ABLIM1: variants seen among roughly 807,000 people sequenced by gnomAD.
ABLIM1 encodes actin-binding LIM protein 1.
In ABLIM1, 40 loss-of-function variants were observed where a neutral mutation model predicts 107.0. The ratio of observed to expected loss-of-function variants is 0.37; its 90% CI spans 0.29 to 0.49. The LOEUF is 0.49. Ranked by LOEUF, ABLIM1 falls within the 20% of genes least tolerant of loss-of-function variation. The pLI, the probability that ABLIM1 is intolerant of heterozygous loss-of-function variation, is 0.97. For missense variants in ABLIM1, 857 were observed against 1,008.5 expected (o/e 0.85, Z 2.04); for synonymous variants, 357 against 357.3 (o/e 1.00, Z 0.01).
chr10:114,547,133 T>A (rs987933859), intron 5 of ABLIM1, among the ~76,000 whole-genome samples: 1 of 138,190 alleles, frequency 7.2e-6, no homozygotes, highest in Admixed American at 7.5e-5. Context: ...CGGTGGAAAA[T>A]TTCCCCTCAT....
At chr10:114,600,950 G>C (rs2075923187) in intron 2 of ABLIM1, among the ~76,000 whole-genome samples, 1 of 152,086 alleles carries the variant, frequency 6.6e-6, no homozygotes, top group African/African-American at 2.4e-5. Flanking sequence ...AGGTAGGCTT[G>C]TTAATGGAAA....
At chr10:114,726,488 G>A (rs1005137718) in intron 1 of ABLIM1, among the ~76,000 whole-genome samples, 4 of 152,002 alleles carry the variant, frequency 2.6e-5, no homozygotes, top group African/African-American at 9.7e-5. Flanking sequence ...AGGGAGACTG[G>A]GGGGAGATTT....
the ABLIM1 span, among the ~76,000 whole-genome samples, chr10:114,781,710 T>A: frequency 6.7e-6 from 1 of 148,408 alleles, no homozygotes; most frequent in Non-Finnish European, 1.5e-5. Flanking sequence ...ATCCTTCTAC[T>A]TGCCCTAGGT....
intron 6 of ABLIM1, among the ~76,000 whole-genome samples, chr10:114,539,602 C>T (rs920057462): frequency 2.0e-5 from 3 of 152,182 alleles, no homozygotes; most frequent in African/African-American, 7.2e-5. Flanking sequence ...TGATTACACC[C>T]ACCATGAGCT....
Position 114,763,123 on chromosome 10 carries a change from T to C in ABLIM1, c.-213+4938A>G, listed in dbSNP as rs535108362. ...GAGTGATTGCTTCTTTGTAAAGTGT[T>C]TGTTTTCTGCATGTGTCTTGCATGG... On this transcript the variant is annotated intron_variant, in intron 1 of 15. Transcript: ENST00000651092. 2.6e-5 allele frequency among the ~76,000 whole-genome samples: 4 copies of C among 152,342 alleles called. No individual in the cohort carries two copies. The East Asian group carries it at 7.7e-4, about 29-fold the overall frequency.
intron 1 of ABLIM1, among the ~76,000 whole-genome samples, chr10:114,750,321 G>T (rs575117689): frequency 6.6e-6 from 1 of 152,254 alleles, no homozygotes; most frequent in South Asian, 2.1e-4. Flanking sequence ...TGACTGAATC[G>T]TTACCAACCC....
intron 1 of ABLIM1, among the ~76,000 whole-genome samples, chr10:114,748,665 T>C (rs1023594224): frequency 6.6e-6 from 1 of 151,368 alleles, no homozygotes; most frequent in African/African-American, 2.4e-5. Flanking sequence ...TTTTCTTTTT[T>C]TTTTTTTTAG....
chr10:114,472,503 T>A (rs1484769997), intron 10 of ABLIM1, among the ~76,000 whole-genome samples: 1 of 152,210 alleles, frequency 6.6e-6, no homozygotes, highest in East Asian at 1.9e-4. Context: ...CTCACACTCC[T>A]GTGCTAGACT....
At chr10:114,793,967 C>T in the ABLIM1 span, among the ~76,000 whole-genome samples, 1 of 152,346 alleles carries the variant, frequency 6.6e-6, no homozygotes, top group South Asian at 2.1e-4. Context: ...CAGTTACAGT[C>T]CTGTAGTCTC....
chr10:114,444,152 G>C lies in ABLIM1; in HGVS notation c.1828-18C>G. On this transcript the variant is annotated intron_variant, in intron 16 of 22. Transcript: ENST00000533213. The stretch of plus-strand genomic sequence containing the variant: ...GAGTTAAGCTATTCACAGAAAAAAG[G>C]AAAAAAAAAAAAAAAAGAAAGCAAA... 6.3e-6 allele frequency: 8 copies of C among 1,276,166 alleles called. No individual in the cohort carries two copies. Among genetic ancestry groups the C allele is most frequent in the South Asian group, 1.5e-5 (1 of 67,026 alleles). 79.1% of individuals were successfully genotyped at this position (1,276,166 alleles called of 1,614,324 possible). A position where few individuals can be genotyped will look rare whatever the true frequency, so the allele number is the denominator to read the frequency against.
In ABLIM1 at chr10:114,657,985, C is replaced by T. The variant is rs565773668; in HGVS notation, c.216G>A (p.Gly72=). ...AAGGATCAACGCTGTTACATACACG[C>T]CCACGTGGGCAGTAGTCCTTGGGAC... ...YLCPKDYCPR[G]RVCNSVDPFV... is the part of the protein sequence containing the mutation. The change falls in exon 1 of 23, where the codon GGG becomes GGA. Residue 72 remains glycine, a synonymous_variant. Transcript: ENST00000533213. 4.0e-5 allele frequency: 65 copies of T among 1,613,912 alleles called. No individual in the cohort carries two copies. In the East Asian group the frequency reaches 1.4e-3, roughly 34 times the overall value.
chr10:114,727,317 T>C (rs1026231614), intron 1 of ABLIM1, among the ~76,000 whole-genome samples: 4 of 152,244 alleles, frequency 2.6e-5, no homozygotes, highest in Non-Finnish European at 5.9e-5. Context: ...TGTTTGTGTC[T>C]TGATACAATA....
intron 6 of ABLIM1, among the ~76,000 whole-genome samples, chr10:114,542,227 A>G (rs1393532870): frequency 6.6e-6 from 1 of 151,950 alleles, no homozygotes; most frequent in African/African-American, 2.4e-5. Context: ...TGGACAATAG[A>G]GTGAGACTCC....
At chr10:114,541,246 C>A (rs953938759) in intron 6 of ABLIM1, among the ~76,000 whole-genome samples, 1 of 151,656 alleles carries the variant, frequency 6.6e-6, no homozygotes, top group Non-Finnish European at 1.5e-5. Context: ...CAAGAACTGA[C>A]AGAACTCAGT....
chr10:114,724,429 G>A (rs974731786), intron 1 of ABLIM1, among the ~76,000 whole-genome samples: 1 of 152,066 alleles, frequency 6.6e-6, no homozygotes, highest in Non-Finnish European at 1.5e-5. Context: ...CTGAAATTAG[G>A]TAAACTCGGC....
chr10:114,455,924 C>T (rs1321922422), intron 12 of ABLIM1, among the ~76,000 whole-genome samples: 1 of 152,036 alleles, frequency 6.6e-6, no homozygotes, highest in Non-Finnish European at 1.5e-5. Flanking sequence ...GCCATTCTCC[C>T]GCCTCACCCT....
intron 20 of ABLIM1, chr10:114,439,476 G>A: frequency 3.3e-6 from 2 of 599,582 alleles, no homozygotes; most frequent in South Asian, 3.9e-5. Context: ...TGATGGTTAT[G>A]GACAAATTCC....
intron 1 of ABLIM1, among the ~76,000 whole-genome samples, chr10:114,704,281 T>G (rs1250245971): frequency 4.1e-5 from 1 of 24,400 alleles, no homozygotes; most frequent in Non-Finnish European, 9.2e-5. Context: ...GCTCTCTCTC[T>G]CTCTCTCTCT....
intron 19 of ABLIM1, 56 bp from the exon 20 acceptor site, chr10:114,440,145 A>T: frequency 6.6e-7 from 1 of 1,508,962 alleles, no homozygotes; most frequent in Non-Finnish European, 9.2e-7. Flanking sequence ...AAAAGCAAGG[A>T]ACCATTCACA....
Sources: gnomAD v4.1 joint callset for allele counts (sites outside exome capture counted in the v4.1 genomes callset) on GRCh38, gnomAD v4.1.1 for gene constraint, MANE v1.5 for transcripts, NCBI Gene and HGNC (gene_info 2026-07-23, HGNC 2026-07-21) for gene names.